The following ITSN2 variants were observed in gnomAD, a reference collection of about 807,000 sequenced individuals.
ITSN2 encodes the protein intersectin 2.
Under a neutral mutation model 243.7 loss-of-function variants are expected in ITSN2, and 156 were observed. That is an observed-to-expected ratio of 0.64 (90% CI 0.56 to 0.73). The LOEUF (loss-of-function observed/expected upper bound fraction) is 0.73, where lower values mean the gene tolerates loss of function less well. Ranked by LOEUF, ITSN2 falls within the 30% of genes least tolerant of loss-of-function variation. ITSN2 has a pLI of 0.00. For synonymous variants in ITSN2, 703 were observed against 699.9 expected (o/e 1.00, Z -0.07); for missense variants, 1,801 against 1,996.1 (o/e 0.90, Z 1.86).
chr2:24,212,438 C>T (rs980970031), intron 33 of ITSN2, among the ~76,000 whole-genome samples: 1 of 152,174 alleles, frequency 6.6e-6, no homozygotes, highest in African/African-American at 2.4e-5. Flanking sequence ...TACTGGATTC[C>T]TCTCTGATTT....
intron 1 of ITSN2, among the ~76,000 whole-genome samples, chr2:24,342,870 A>G (rs1236310511): frequency 1.3e-5 from 2 of 151,886 alleles, no homozygotes; most frequent in African/African-American, 4.8e-5. Flanking sequence ...CAAGTGGATC[A>G]CCTTGAGCTC....
At chr2:24,222,124 C>T (rs537444632) in intron 29 of ITSN2, among the ~76,000 whole-genome samples, 35 of 151,908 alleles carry the variant, frequency 2.3e-4, no homozygotes, top group South Asian at 6.2e-4. Context: ...TGGTGGTGGG[C>T]GCCTGTAGTC....
intron 20 of ITSN2, among the ~76,000 whole-genome samples, chr2:24,267,416 A>C (rs1423106118): frequency 1.3e-5 from 2 of 151,774 alleles, no homozygotes; most frequent in African/African-American, 4.8e-5. Flanking sequence ...TAAGGAAAGG[A>C]ATCACCGTAA....
chr2:24,221,653 A>T (rs2151151113), intron 29 of ITSN2: 1 of 152,428 alleles, frequency 6.6e-6, no homozygotes, highest in Admixed American at 6.5e-5. Context: ...TTCTAAGGTT[A>T]TAAAACCTGA....
rs1180403319 is a variant in ITSN2, at chr2:24,308,606, A to G, written c.793+11T>C. 8 of 1,466,882 alleles carry G rather than the reference A, an allele frequency of 5.5e-6. No homozygotes were observed. The African/African-American group carries it at 7.2e-5, about 13-fold the overall frequency. The allele number at this position is 1,466,882 out of a possible 1,614,324, so 90.9% of individuals were successfully genotyped here. A position where few individuals can be genotyped will look rare whatever the true frequency, so the allele number is the denominator to read the frequency against. On this transcript the variant is annotated intron_variant, in intron 8 of 39. Coordinates refer to ENST00000355123, the MANE Select transcript of ITSN2 (RefSeq NM_006277.3). ...CCTTTTTCATGCTCTTCAGCACTGT[A>G]TGCTGCTTACCTGAGAGATATCCAC...
At chr2:24,215,665 T>TAAAAAA (rs59939223) in intron 32 of ITSN2, among the ~76,000 whole-genome samples, 1 of 128,624 alleles carries the variant, frequency 7.8e-6, no homozygotes. Flanking sequence ...AGATTCTGTT[T>TAAAAAA]AAAAAAAAAA....
intron 1 of ITSN2, among the ~76,000 whole-genome samples, chr2:24,331,825 G>A (rs1364412164): frequency 6.6e-6 from 1 of 152,170 alleles, no homozygotes; most frequent in Non-Finnish European, 1.5e-5. Context: ...GTCAGGGTCG[G>A]CTGGGAAAAG....
intron 33 of ITSN2, 48 bp downstream of exon 33, chr2:24,212,602 C>T (rs376573170): frequency 1.7e-5 from 24 of 1,454,292 alleles, no homozygotes; most frequent in African/African-American, 7.0e-5. Flanking sequence ...TGGACCTCAG[C>T]GCATCCTGCT....
At position 24,204,748 on chromosome 2, in the gene ITSN2, GGAAAACAGTGAT is replaced by G; in HGVS notation, c.4763-342_4763-331del. 1.9e-6 allele frequency: 1 copy of G among 513,828 alleles called. No homozygotes were observed. The highest frequency in any genetic ancestry group is 3.8e-6 in the Non-Finnish European group (1 of 265,056). 31.8% of individuals were successfully genotyped at this position (513,828 alleles called of 1,614,324 possible). ...GGAAGGCGGGCACTGGCACTTACTG[GGAAAACAGTGAT>G]AAGAATATTGGTCCAATATGCGCAT... On this transcript the variant is annotated intron_variant, in intron 38 of 39. Transcript: ENST00000355123. The surrounding 1 kb of genome is among the most constrained non-coding windows in gnomAD (Gnocchi z 5.1).
intron 22 of ITSN2, 78 bp from the exon 23 acceptor site, chr2:24,258,171 T>C: frequency 9.4e-7 from 1 of 1,059,874 alleles, no homozygotes; most frequent in Non-Finnish European, 1.4e-6. Context: ...ATAACATACT[T>C]ACTGTTCAAA....
chr2:24,305,418 A>G (rs1280350422), intron 8 of ITSN2, among the ~76,000 whole-genome samples: 1 of 152,026 alleles, frequency 6.6e-6, no homozygotes, highest in African/African-American at 2.4e-5. Flanking sequence ...CCTGGCCAAC[A>G]TGGCAAAACC....
chr2:24,204,968 G>A lies in ITSN2; in HGVS notation c.4762+246C>T. ...TCGAGACCAGCCTGGCCAACATGGT[G>A]AAACCCTGTGTCTACTAAAAATACA... On this transcript the variant is annotated intron_variant, in intron 38 of 39. Transcript: ENST00000355123. The surrounding 1 kb of genome is among the most constrained non-coding windows in gnomAD (Gnocchi z 5.1). 1 of 392,424 alleles carries A rather than the reference G, an allele frequency of 2.5e-6. No homozygotes were observed. Among genetic ancestry groups the A allele is most frequent in the East Asian group, 6.1e-5 (1 of 16,386 alleles). The allele number at this position is 392,424 out of a possible 1,614,324, so 24.3% of individuals were successfully genotyped here.
intron 8 of ITSN2, among the ~76,000 whole-genome samples, chr2:24,308,284 T>C (rs911982478): frequency 1.3e-5 from 2 of 152,182 alleles, no homozygotes; most frequent in Admixed American, 1.3e-4. Flanking sequence ...GAGGCTAAGT[T>C]CCACACACTC....
At chr2:24,289,164 G>C (rs141191493) in intron 15 of ITSN2, among the ~76,000 whole-genome samples, 1 of 152,120 alleles carries the variant, frequency 6.6e-6, no homozygotes, top group African/African-American at 2.4e-5. Context: ...AATGCTATTT[G>C]AATTCTGATA....
intron 25 of ITSN2, among the ~76,000 whole-genome samples, chr2:24,251,860 T>C (rs1674373043): frequency 6.6e-6 from 1 of 152,134 alleles, no homozygotes. Context: ...AAAAAGCCTA[T>C]GGGGTTCCTC....
At chr2:24,340,630 G>A (rs372152240) in intron 1 of ITSN2, among the ~76,000 whole-genome samples, 4 of 151,942 alleles carry the variant, frequency 2.6e-5, no homozygotes, top group Admixed American at 2.0e-4. Context: ...CCATAGATTC[G>A]TTCTGTCTGC....
At chr2:24,310,419 G>C (rs766265210) in intron 6 of ITSN2, 39 bp from the exon 7 acceptor site, 4 of 1,605,298 alleles carry the variant, frequency 2.5e-6, no homozygotes, top group Admixed American at 1.7e-5. Context: ...AAAGAAATTT[G>C]TATCTGTTCA....
intron 23 of ITSN2, 33 bp from the exon 24 acceptor site, chr2:24,254,464 C>G (rs768459533): frequency 1.3e-6 from 2 of 1,532,338 alleles, no homozygotes; most frequent in Admixed American, 3.4e-5. Flanking sequence ...AACAAACAAA[C>G]AAACAAATAC....
chr2:24,313,668 AAATT>A (rs1683541459), intron 3 of ITSN2, 145 bp from the exon 4 acceptor site: 2 of 544,698 alleles, frequency 3.7e-6, no homozygotes, highest in Admixed American at 3.7e-5. Flanking sequence ...AAACACATAA[AAATT>A]ATTTACATAA....
Sources: gnomAD v4.1 joint callset for allele counts (sites outside exome capture counted in the v4.1 genomes callset) on GRCh38, gnomAD v4.1.1 for gene constraint, Gnocchi (gnomAD v3.1) non-coding constraint, MANE v1.5 for transcripts, NCBI Gene and HGNC (gene_info 2026-07-23, HGNC 2026-07-21) for gene names.